Variants in ABCC12 observed in about 807,000 individuals in gnomAD.
ABCC12 encodes ATP binding cassette subfamily C member 12.
Under a neutral mutation model 151.1 loss-of-function variants are expected in ABCC12, and 142 were observed. That is an observed-to-expected ratio of 0.94 (90% CI 0.82 to 1.08). The LOEUF (loss-of-function observed/expected upper bound fraction) is 1.08, where lower values mean the gene tolerates loss of function less well. Among genes scored for constraint, ABCC12 ranks in the 50% least tolerant of loss-of-function variants. The probability of loss-of-function intolerance (pLI) is 0.00; values close to 1 mark genes in which losing one functional copy is unlikely to be tolerated. For synonymous variants in ABCC12, 645 were observed against 646.4 expected (o/e 1.00, Z 0.03); for missense variants, 1,638 against 1,691.1 (o/e 0.97, Z 0.55).
chr16:48,118,070 A>G (rs1475595017), intron 13 of ABCC12, among the ~76,000 whole-genome samples: 2 of 152,090 alleles, frequency 1.3e-5, no homozygotes, highest in Non-Finnish European at 2.9e-5. Context: ...CCGAGGCCCT[A>G]GCCAGCTCTG....
intron 22 of ABCC12, among the ~76,000 whole-genome samples, chr16:48,101,698 A>G (rs1284146586): frequency 6.6e-6 from 1 of 152,092 alleles, no homozygotes; most frequent in Non-Finnish European, 1.5e-5. Flanking sequence ...AAACACTTGG[A>G]TAATTCAAGC....
At chr16:48,086,505 G>C (rs1276720250) in intron 28 of ABCC12, 1 of 471,520 alleles carries the variant, frequency 2.1e-6, no homozygotes, top group Non-Finnish European at 3.8e-6. Flanking sequence ...GAGCATTGTA[G>C]TAAGGACCAA....
chr16:48,103,156 G>A (rs533100673), intron 22 of ABCC12, among the ~76,000 whole-genome samples: 3 of 152,200 alleles, frequency 2.0e-5, no homozygotes, highest in African/African-American at 7.2e-5. Context: ...GGGTTTGTGG[G>A]CTGAATATTT....
In ABCC12 at chr16:48,121,775, C is replaced by CCATG. The variant is rs1567452644; in HGVS notation, c.1649_1652dup (p.Trp551CysfsTer19). On this transcript the variant is annotated frameshift_variant, in exon 13 of 31. Coordinates refer to ENST00000311303, the MANE Select transcript of ABCC12 (RefSeq NM_001393797.1). LOFTEE classifies it high-confidence loss of function. The stretch of plus-strand genomic sequence containing the variant: ...TTTCTCTCACATTTCCATGAAAGAT[C>CCATG]CATGCCTGCTGTGAAACGTAGGCCA... 1 of 1,614,172 alleles carries CCATG rather than the reference C, an allele frequency of 6.2e-7. No individual in the cohort carries two copies. The highest frequency in any genetic ancestry group is 1.3e-5 in the African/African-American group (1 of 75,036).
rs1171522713 is a variant in ABCC12, at chr16:48,124,216, T to C, written c.1584A>G (p.Gly528=). The C allele has an allele frequency of 1.9e-6, 3 of 1,613,804 alleles. No individual in the cohort carries two copies. The highest frequency in any genetic ancestry group is 1.3e-5 in the African/African-American group (1 of 74,900). Residue 528 remains glycine (G), a synonymous_variant, in exon 12 of 31, where the codon GGA becomes GGG. Transcript: ENST00000311303. ...GKSSLLAALL[G]QMQLQKGVVA... is the part of the protein sequence containing the mutation. ...CAGCACTCATCACACAGCTTACCTG[T>C]CCTAGGAGAGCTGCAAGGAGGGAGC...
chr16:48,127,627 G>A (rs1004622205), intron 11 of ABCC12, among the ~76,000 whole-genome samples: 2 of 152,148 alleles, frequency 1.3e-5, no homozygotes, highest in African/African-American at 4.8e-5. Context: ...TGTGCCTTAG[G>A]CTCCTCAACC....
At chr16:48,105,444 G>A (rs933303379) in intron 20 of ABCC12, 108 bp from the exon 21 acceptor site, 1 of 1,144,470 alleles carries the variant, frequency 8.7e-7, no homozygotes, top group African/African-American at 1.5e-5. Flanking sequence ...AGAAGCACAT[G>A]AGTGTTTTGA....
intron 19 of ABCC12, among the ~76,000 whole-genome samples, chr16:48,107,870 C>T (rs1366580943): frequency 1.3e-5 from 2 of 151,912 alleles, no homozygotes; most frequent in African/African-American, 2.4e-5. Flanking sequence ...GGCATAGTGG[C>T]GGGTGCCTGT....
Position 48,141,250 on chromosome 16 carries a change from T to C in ABCC12, c.379A>G (p.Ile127Val). Residue 127 changes from isoleucine (I) to valine (V), a missense_variant, in exon 5 of 31, where the codon ATC (isoleucine) becomes GTC (valine). Ile to Val is a conservative substitution (Grantham distance 29, BLOSUM62 3). Transcript: ENST00000311303. ...ATGATGCACAGGATGTTGGCCACGA[T>C]GTCCATCAACACGCGTGTCCTCTGG... ...KFQRTRVLMD[I>V]VANILCIIMA... 2.5e-6 allele frequency: 4 copies of C among 1,614,168 alleles called. No homozygotes were observed. The highest frequency in any genetic ancestry group is 1.7e-5 in the Admixed American group (1 of 60,024).
At chr16:48,126,985 A>T (rs916175379) in intron 11 of ABCC12, among the ~76,000 whole-genome samples, 3 of 152,136 alleles carry the variant, frequency 2.0e-5, no homozygotes, top group African/African-American at 4.8e-5. Context: ...GGCGGGGGGA[A>T]GTCAGGTGCT....
Position 48,091,395 on chromosome 16 carries a change from C to A in ABCC12, c.3196-186G>T, listed in dbSNP as rs114349879. 8.1e-3 allele frequency among the ~76,000 whole-genome samples: 1,230 copies of A among 152,286 alleles called. 18 individuals are homozygous for A. The highest frequency in any genetic ancestry group is 0.029 in the African/African-American group (1,190 of 41,534). The stretch of plus-strand genomic sequence containing the variant: ...AGATATTCCTGTTCGGGTGTTTTGC[C>A]TTTAAACACTTCCTTTGTATTTAGA... On this transcript the variant is annotated intron_variant, in intron 24 of 30. Transcript: ENST00000311303.
chr16:48,149,586 TAA>T lies in ABCC12; in HGVS notation c.-50-3114_-50-3113del, dbSNP rs931772022. Among the ~76,000 whole-genome samples the T allele has an allele frequency of 5.7e-4, 87 of 152,326 alleles. 1 individual carries two copies. The highest frequency in any genetic ancestry group is 2.1e-3 in the African/African-American group (86 of 41,596). On this transcript the variant is annotated intron_variant, in intron 2 of 30. Transcript: ENST00000311303. The stretch of plus-strand genomic sequence containing the variant: ...GATCTTATGATAGGGAATAATTTCT[TAA>T]AGCAATTTTCTTTAAAAAGTCCTAA...
chr16:48,103,623 A>G (rs1186772210), intron 22 of ABCC12, among the ~76,000 whole-genome samples: 1 of 152,170 alleles, frequency 6.6e-6, no homozygotes, highest in East Asian at 1.9e-4. Context: ...CCCTCACCCA[A>G]TACCCACCAT....
intron 8 of ABCC12, among the ~76,000 whole-genome samples, chr16:48,136,011 A>T (rs547819247): frequency 1.3e-5 from 2 of 152,320 alleles, no homozygotes; most frequent in South Asian, 2.1e-4. Flanking sequence ...GTGCTTTCTC[A>T]TAAGATCGTC....
At position 48,098,017 on chromosome 16, in the gene ABCC12, A is replaced by T. The variant is rs371992398; in HGVS notation, c.3039-1115T>A. Among the ~76,000 whole-genome samples the T allele has an allele frequency of 2.2e-3, 328 of 151,982 alleles. 5 individuals are homozygous for T. The highest frequency in any genetic ancestry group is 7.4e-3 in the African/African-American group (305 of 41,436). On this transcript the variant is annotated intron_variant, in intron 23 of 30. Coordinates refer to ENST00000311303, the MANE Select transcript of ABCC12 (RefSeq NM_001393797.1). ...TCCCCCACATGGGCATCAGAGAGCCAGGCCTGGAGAAAAGGAAGAGGGTGT... is the reference window on the plus strand; with the variant it reads ...TCCCCCACATGGGCATCAGAGAGCCTGGCCTGGAGAAAAGGAAGAGGGTGT...
At chr16:48,120,964 T>A (rs1269760385) in intron 13 of ABCC12, among the ~76,000 whole-genome samples, 1 of 152,246 alleles carries the variant, frequency 6.6e-6, no homozygotes, top group Non-Finnish European at 1.5e-5. Context: ...GTTGAAAACA[T>A]TTACAATATA....
At chr16:48,098,057 C>T (rs1191812053) in intron 23 of ABCC12, among the ~76,000 whole-genome samples, 1 of 150,212 alleles carries the variant, frequency 6.7e-6, no homozygotes, top group Admixed American at 6.6e-5. Context: ...AAGCACAGAG[C>T]AGGTGCTTCT....
chr16:48,105,429 TAAG>T (rs923299501), intron 20 of ABCC12, 93 bp from the exon 21 acceptor site: 4 of 1,268,832 alleles, frequency 3.2e-6, no homozygotes, highest in African/African-American at 3.0e-5. Flanking sequence ...GAGAAGAAAC[TAAG>T]AAGAAGCACA....
rs1226421278 is a variant in ABCC12 at position 48,083,953 on chromosome 16, T to C, written c.3949A>G (p.Thr1317Ala). Residue 1317 changes from threonine (T) to alanine (A), a missense_variant, in exon 30 of 31, where the codon ACA becomes GCA. Coordinates refer to ENST00000311303, the MANE Select transcript of ABCC12 (RefSeq NM_001393797.1). Reference sequence around the variant, plus strand: ...AGGACGTGATCGCAGTTGAGAACTGTGTTGAGGCGGTGGGCGATGGTCAGC... The same window carrying C: ...AGGACGTGATCGCAGTTGAGAACTGCGTTGAGGCGGTGGGCGATGGTCAGC... ...TVLTIAHRLN[T>A]VLNCDHVLVM... 1 of 1,613,134 alleles carries C rather than the reference T, an allele frequency of 6.2e-7. No homozygotes were observed. The highest frequency in any genetic ancestry group is 1.1e-5 in the South Asian group (1 of 90,806).
Sources: gnomAD v4.1 joint callset for allele counts (sites outside exome capture counted in the v4.1 genomes callset) on GRCh38, gnomAD v4.1.1 for gene constraint, MANE v1.5 for transcripts, NCBI Gene and HGNC (gene_info 2026-07-23, HGNC 2026-07-21) for gene names.